Variants in PCDH15 observed in about 807,000 individuals in gnomAD.
PCDH15 encodes protocadherin-15.
In PCDH15, 129 loss-of-function variants were observed where a neutral mutation model predicts 178.5. That is an observed-to-expected ratio of 0.72 (90% CI 0.63 to 0.84). The LOEUF is 0.84. PCDH15 is among the 40% of genes least tolerant of loss of function. The pLI is 0.00. For missense variants in PCDH15, 2,230 were observed against 2,099.9 expected, an observed-to-expected ratio of 1.06 and a Z score of -1.21; for synonymous variants, 800 against 732.0, an observed-to-expected ratio of 1.09 and a Z score of -1.50.
intron 14 of PCDH15, among the ~76,000 whole-genome samples, chr10:54,142,881 CAG>C (rs1268587826): frequency 1.3e-5 from 2 of 152,098 alleles, no homozygotes; most frequent in South Asian, 2.1e-4. Context: ...GCTTAAGAAA[CAG>C]AGTCTCCTCT....
chr10:55,151,368 A>G (rs531681243), intron 2 of PCDH15, among the ~76,000 whole-genome samples: 3 of 152,246 alleles, frequency 2.0e-5, no homozygotes, highest in African/African-American at 7.2e-5. Context: ...AAGGAATTGG[A>G]GAAATAAGAG....
chr10:54,166,605 C>G (rs1219980791), intron 13 of PCDH15, among the ~76,000 whole-genome samples: 2 of 152,304 alleles, frequency 1.3e-5, no homozygotes, highest in Non-Finnish European at 2.9e-5. Flanking sequence ...CCTAAGATCT[C>G]CTGTATTTGA....
chr10:54,066,470 T>C (rs1221378051), intron 18 of PCDH15, among the ~76,000 whole-genome samples: 2 of 152,210 alleles, frequency 1.3e-5, no homozygotes, highest in Non-Finnish European at 2.9e-5. Context: ...CCTAATTACA[T>C]GTTTCTGTAA....
At chr10:54,625,475 T>C (rs7095500) in intron 2 of PCDH15, among the ~76,000 whole-genome samples, 4,653 of 152,166 alleles carry the variant, frequency 0.031, 218 homozygotes, top group African/African-American at 0.1. Context: ...GACTGAGTTA[T>C]GAGGGGGAGA....
intron 2 of PCDH15, among the ~76,000 whole-genome samples, chr10:55,579,938 CCT>C (rs954580418): frequency 2.0e-5 from 3 of 152,190 alleles, no homozygotes; most frequent in African/African-American, 7.2e-5. Context: ...CTCACTGCAA[CCT>C]CTGCCTCCTG....
chr10:54,987,181 C>A (rs148430016), intron 2 of PCDH15, among the ~76,000 whole-genome samples: 5,664 of 152,182 alleles, frequency 0.037, 375 homozygotes, highest in African/African-American at 0.13. Flanking sequence ...CGTGTCCCTG[C>A]AGAGGACATG....
intron 2 of PCDH15, among the ~76,000 whole-genome samples, chr10:54,905,424 A>T (rs1267596550): frequency 1.3e-5 from 2 of 152,148 alleles, no homozygotes; most frequent in Non-Finnish European, 2.9e-5. Context: ...AATTCAGCTA[A>T]TGGAGTTTCC....
chr10:54,467,698 A>C (rs2136614326), intron 3 of PCDH15, among the ~76,000 whole-genome samples: 1 of 147,492 alleles, frequency 6.8e-6, no homozygotes, highest in South Asian at 2.1e-4. Context: ...AAATTGGCTG[A>C]AATTCCCTCC....
intron 3 of PCDH15, among the ~76,000 whole-genome samples, chr10:54,463,031 C>G (rs778376038): frequency 1.3e-5 from 2 of 152,004 alleles, no homozygotes; most frequent in African/African-American, 2.4e-5. Context: ...TGGGTATTAA[C>G]GTAAAAACTT....
At chr10:55,551,738 A>G (rs903103554) in intron 2 of PCDH15, among the ~76,000 whole-genome samples, 18 of 151,746 alleles carry the variant, frequency 1.2e-4, no homozygotes, top group Non-Finnish European at 2.1e-4. Flanking sequence ...GTTGATTTTA[A>G]TTATTATTTA....
chr10:54,746,683 A>G (rs1945506448), intron 1 of PCDH15, among the ~76,000 whole-genome samples: 1 of 152,208 alleles, frequency 6.6e-6, no homozygotes. Flanking sequence ...GGTCACAACC[A>G]GTATATATAT....
At chr10:53,983,197 G>T (rs930696088) in intron 21 of PCDH15, among the ~76,000 whole-genome samples, 2 of 151,662 alleles carry the variant, frequency 1.3e-5, no homozygotes, top group Non-Finnish European at 2.9e-5. Context: ...TTACTATAAA[G>T]GAATTACTAT....
At chr10:55,212,644 G>A (rs566963344) in intron 1 of PCDH15, among the ~76,000 whole-genome samples, 22 of 152,154 alleles carry the variant, frequency 1.4e-4, no homozygotes, top group African/African-American at 4.8e-4. Context: ...GGATGTTCCT[G>A]CTCTGTGAAA....
intron 2 of PCDH15, among the ~76,000 whole-genome samples, chr10:54,601,991 A>G (rs578007591): frequency 6.6e-6 from 1 of 151,896 alleles, no homozygotes; most frequent in African/African-American, 2.4e-5. Context: ...CAGAAGGTGG[A>G]GGGTAAGAGG....
At chr10:54,549,816 C>T (rs775784315) in intron 2 of PCDH15, among the ~76,000 whole-genome samples, 2 of 151,872 alleles carry the variant, frequency 1.3e-5, no homozygotes, top group African/African-American at 2.4e-5. Flanking sequence ...TATTTTTGTA[C>T]GTCTGCGATT....
intron 26 of PCDH15, among the ~76,000 whole-genome samples, chr10:53,873,875 C>T (rs1214478246): frequency 6.6e-6 from 1 of 152,164 alleles, no homozygotes; most frequent in Non-Finnish European, 1.5e-5. Flanking sequence ...GCCCCAGAGA[C>T]TTCCTTTGTT....
intron 3 of PCDH15, among the ~76,000 whole-genome samples, chr10:54,469,008 C>A (rs980000115): frequency 1.3e-5 from 2 of 152,012 alleles, no homozygotes; most frequent in Non-Finnish European, 2.9e-5. Flanking sequence ...TTTTTCCATC[C>A]CTTTACATTC....
chr10:54,399,840 T>C (rs1434286831), intron 3 of PCDH15, among the ~76,000 whole-genome samples: 1 of 152,080 alleles, frequency 6.6e-6, no homozygotes, highest in Non-Finnish European at 1.5e-5. Flanking sequence ...CAGAAACAGC[T>C]ATCCAAATTT....
intron 2 of PCDH15, among the ~76,000 whole-genome samples, chr10:55,407,934 A>G (rs1182134922): frequency 6.6e-6 from 1 of 152,210 alleles, no homozygotes; most frequent in Non-Finnish European, 1.5e-5. Context: ...GCAGCAATTC[A>G]TACAGGATGT....
Sources: gnomAD v4.1 joint callset for allele counts (sites outside exome capture counted in the v4.1 genomes callset) on GRCh38, gnomAD v4.1.1 for gene constraint, MANE v1.5 for transcripts, NCBI Gene and HGNC (gene_info 2026-07-23, HGNC 2026-07-21) for gene names.